CDH23: variants seen among roughly 807,000 people sequenced by gnomAD.
CDH23 encodes cadherin related 23, also known as cadherin-23.
A neutral mutation model predicts 317.1 loss-of-function variants in CDH23; 189 were observed. The observed-to-expected ratio is 0.60, with a 90% CI of 0.53 to 0.67. The LOEUF (loss-of-function observed/expected upper bound fraction) is 0.67, where lower values mean the gene tolerates loss of function less well. Among genes scored for constraint, CDH23 ranks in the 30% least tolerant of loss-of-function variants. The probability of loss-of-function intolerance (pLI) is 0.00; values close to 1 mark genes in which losing one functional copy is unlikely to be tolerated. For missense variants in CDH23, 4,401 were observed against 4,592.4 expected, an observed-to-expected ratio of 0.96 and a Z score of 1.20; for synonymous variants, 1,839 against 1,876.8, an observed-to-expected ratio of 0.98 and a Z score of 0.52.
chr10:71,551,920 G>A (rs1215730700), intron 6 of CDH23, among the ~76,000 whole-genome samples: 1 of 152,190 alleles, frequency 6.6e-6, no homozygotes, highest in African/African-American at 2.4e-5. Flanking sequence ...ACCCCATCCT[G>A]GGACAGCTCC....
chr10:71,553,445 C>T (rs1331857583), intron 6 of CDH23, among the ~76,000 whole-genome samples: 1 of 152,182 alleles, frequency 6.6e-6, no homozygotes, highest in Non-Finnish European at 1.5e-5. Context: ...GGGCCGGCAG[C>T]AGTAGCCTCA....
intron 14 of CDH23, among the ~76,000 whole-genome samples, chr10:71,673,522 T>C (rs530546864): frequency 6.6e-6 from 1 of 152,352 alleles, no homozygotes; most frequent in East Asian, 1.9e-4. Context: ...CTGGGGTTAC[T>C]TTGGGCAGTG....
intron 6 of CDH23, among the ~76,000 whole-genome samples, chr10:71,558,666 C>G (rs1007247441): frequency 6.6e-6 from 1 of 152,162 alleles, no homozygotes; most frequent in African/African-American, 2.4e-5. Flanking sequence ...GTGTAGCTGC[C>G]TGGAAGCTTG....
intron 1 of CDH23, among the ~76,000 whole-genome samples, chr10:71,412,529 A>G (rs1848383102): frequency 6.6e-6 from 1 of 152,176 alleles, no homozygotes; most frequent in Non-Finnish European, 1.5e-5. Context: ...GCTGGAGTGC[A>G]GTGGCTACAC....
At chr10:71,402,922 C>G (rs1847851666) in intron 1 of CDH23, among the ~76,000 whole-genome samples, 1 of 152,084 alleles carries the variant, frequency 6.6e-6, no homozygotes, top group Non-Finnish European at 1.5e-5. Context: ...CGAGACCATC[C>G]TGGCTAACAC....
chr10:71,807,466 C>T (rs2132988353), intron 58 of CDH23, 50 bp from the exon 59 acceptor site: 2 of 1,612,608 alleles, frequency 1.2e-6, no homozygotes, highest in African/African-American at 1.3e-5. Context: ...CCCACATATG[C>T]CCTGCTCCTG....
chr10:71,509,967 T>A, intron 3 of CDH23, 115 bp from the exon 4 acceptor site: 3 of 1,198,532 alleles, frequency 2.5e-6, no homozygotes, highest in Non-Finnish European at 3.7e-6. Context: ...TGTGGCCTGC[T>A]GGAGGATTGC....
At chr10:71,420,574 ATGATGATGG>A (rs1288099668) in intron 1 of CDH23, among the ~76,000 whole-genome samples, 2 of 147,122 alleles carry the variant, frequency 1.4e-5, no homozygotes, top group Admixed American at 6.7e-5. Context: ...GATGATGATG[ATGATGATGG>A]TGATGATGGT....
At chr10:71,767,150 G>C (rs144325574) in intron 38 of CDH23, among the ~76,000 whole-genome samples, 4 of 152,314 alleles carry the variant, frequency 2.6e-5, no homozygotes, top group African/African-American at 9.6e-5. Flanking sequence ...CAAGGGAAAG[G>C]AGCTCTTGTT....
chr10:71,648,966 C>A (rs1413149326), intron 14 of CDH23, among the ~76,000 whole-genome samples: 2 of 152,190 alleles, frequency 1.3e-5, no homozygotes, highest in Non-Finnish European at 2.9e-5. Context: ...ATGGTGGGGA[C>A]CCCGCGTGCT....
At chr10:71,664,707 C>T (rs939157189) in intron 14 of CDH23, among the ~76,000 whole-genome samples, 3 of 152,242 alleles carry the variant, frequency 2.0e-5, no homozygotes, top group Non-Finnish European at 4.4e-5. Flanking sequence ...CAATAATTCC[C>T]TGAGGTGGGT....
intron 47 of CDH23, among the ~76,000 whole-genome samples, chr10:71,791,850 A>G (rs990089581): frequency 6.6e-6 from 1 of 152,204 alleles, no homozygotes; most frequent in Non-Finnish European, 1.5e-5. Flanking sequence ...TGCTGGGATT[A>G]CAGGTGTGAG....
intron 3 of CDH23, among the ~76,000 whole-genome samples, chr10:71,463,075 A>T (rs1469326669): frequency 6.6e-6 from 1 of 152,264 alleles, no homozygotes; most frequent in Admixed American, 6.5e-5. Context: ...ATATTTTCAC[A>T]ACCTAGATTA....
chr10:71,651,284 C>G (rs1431801634), intron 14 of CDH23, among the ~76,000 whole-genome samples: 2 of 149,056 alleles, frequency 1.3e-5, no homozygotes, highest in Non-Finnish European at 3.0e-5. Context: ...AATCCCAACA[C>G]TTTGGGAGGC....
intron 11 of CDH23, among the ~76,000 whole-genome samples, chr10:71,637,587 A>C (rs1862336015): frequency 6.6e-6 from 1 of 152,070 alleles, no homozygotes; most frequent in African/African-American, 2.4e-5. Flanking sequence ...CCTAGGCTCA[A>C]CTCCAGAGGT....
rs544580655 is a variant in CDH23 at position 71,779,233 on chromosome 10, G to C, written c.5188-34G>C. The C allele has an allele frequency of 3.1e-6, 5 of 1,610,324 alleles. No individual in the cohort carries two copies. The African/African-American group carries it at 5.3e-5, about 17-fold the overall frequency. On this transcript the variant is annotated intron_variant, in intron 40 of 69. Coordinates refer to ENST00000224721, the MANE Select transcript of CDH23 (RefSeq NM_022124.6). ...GAGGCCCAGCACAAAGCTGGCTGGG[G>C]TGAGGCCTTGGCTAAGCTTTTCCAC...
chr10:71,669,813 A>ACAGCAGCCCC (rs1219996624), intron 14 of CDH23, among the ~76,000 whole-genome samples: 5 of 152,092 alleles, frequency 3.3e-5, no homozygotes, highest in East Asian at 1.9e-4. Context: ...ACTGTTGGGC[A>ACAGCAGCCCC]CAGCAGCCAG....
intron 1 of CDH23, among the ~76,000 whole-genome samples, chr10:71,419,794 C>T (rs1367324613): frequency 2.0e-5 from 3 of 152,186 alleles, no homozygotes; most frequent in Admixed American, 2.0e-4. Context: ...GTGGTGAACT[C>T]ATCTAATTTA....
chr10:71,509,997 G>A lies in CDH23; in HGVS notation c.146-85G>A, dbSNP rs1298439945. On this transcript the variant is annotated intron_variant, in intron 3 of 69. Transcript: ENST00000224721. ...GATTGCTGAATGGCCACTCCCTGCTGAGAGTTCAGCCACCTGGGCAAGGTA... is the reference window on the plus strand; with the variant it reads ...GATTGCTGAATGGCCACTCCCTGCTAAGAGTTCAGCCACCTGGGCAAGGTA... 20 of 1,525,910 alleles carry A rather than the reference G, an allele frequency of 1.3e-5. No individual in the cohort carries two copies. The East Asian group carries it at 3.8e-4, about 29-fold the overall frequency. The allele number at this position is 1,525,910 out of a possible 1,614,324, so 94.5% of individuals were successfully genotyped here. A position where few individuals can be genotyped will look rare whatever the true frequency, so the allele number is the denominator to read the frequency against.
Sources: gnomAD v4.1 joint callset for allele counts (sites outside exome capture counted in the v4.1 genomes callset) on GRCh38, gnomAD v4.1.1 for gene constraint, MANE v1.5 for transcripts, NCBI Gene and HGNC (gene_info 2026-07-23, HGNC 2026-07-21) for gene names.